KIAA0825: variants seen among roughly 807,000 people sequenced by gnomAD.
The protein encoded by KIAA0825 is uncharacterized protein KIAA0825.
KIAA0825 carries 119 observed loss-of-function variants against 147.6 expected under a neutral mutation model. The ratio of observed to expected loss-of-function variants is 0.81; its 90% confidence interval spans 0.69 to 0.94. The LOEUF (loss-of-function observed/expected upper bound fraction) is 0.94, where lower values mean the gene tolerates loss of function less well. Ranked by LOEUF, KIAA0825 falls within the 40% of genes least tolerant of loss-of-function variation. The probability of loss-of-function intolerance (pLI) is 0.00; values close to 1 mark genes in which losing one functional copy is unlikely to be tolerated. For synonymous variants in KIAA0825, 470 were observed against 518.1 expected (o/e 0.91, Z 1.26); for missense variants, 1,381 against 1,472.7 (o/e 0.94, Z 1.02).
chr5:94,459,157 TC>T (rs1759505944), intron 12 of KIAA0825, among the ~76,000 whole-genome samples: 1 of 152,174 alleles, frequency 6.6e-6, no homozygotes, highest in South Asian at 2.1e-4. Context: ...AGCACTTTAT[TC>T]CCCTTTATTA....
chr5:94,357,014 C>T (rs1378770970), intron 20 of KIAA0825, among the ~76,000 whole-genome samples: 2 of 151,998 alleles, frequency 1.3e-5, no homozygotes, highest in Non-Finnish European at 2.9e-5. Context: ...TGAGCCACTG[C>T]GCCCAGCTGT....
intron 20 of KIAA0825, among the ~76,000 whole-genome samples, chr5:94,357,885 C>T (rs1013525544): frequency 1.3e-5 from 2 of 150,674 alleles, no homozygotes; most frequent in Non-Finnish European, 3.0e-5. Context: ...GTAGTTTTGT[C>T]ATAACCTGCC....
At chr5:94,538,536 C>T (rs1036327673) in intron 2 of KIAA0825, among the ~76,000 whole-genome samples, 1 of 152,176 alleles carries the variant, frequency 6.6e-6, no homozygotes, top group Non-Finnish European at 1.5e-5. Context: ...AAGCTGTATG[C>T]CATGAACGGA....
intron 5 of KIAA0825, among the ~76,000 whole-genome samples, chr5:94,485,302 C>T (rs931765919): frequency 6.6e-6 from 1 of 151,184 alleles, no homozygotes; most frequent in African/African-American, 2.4e-5. Flanking sequence ...GGACAGTCTA[C>T]AAAATAACTA....
chr5:94,168,662 G>C (rs1473865723), intron 20 of KIAA0825, among the ~76,000 whole-genome samples: 1 of 152,160 alleles, frequency 6.6e-6, no homozygotes, highest in African/African-American at 2.4e-5. Flanking sequence ...TAAGAGTTTA[G>C]ATAGAAGGCC....
chr5:94,416,580 C>A (rs1584430080), intron 15 of KIAA0825: 1 of 152,130 alleles, frequency 6.6e-6, no homozygotes, highest in African/African-American at 2.4e-5. Context: ...AAGGATAAGA[C>A]AATGTGAGAA....
intron 1 of KIAA0825, chr5:94,592,950 C>A: frequency 1.8e-6 from 1 of 565,006 alleles, no homozygotes; most frequent in Non-Finnish European, 3.3e-6. Flanking sequence ...GAAACAAAAT[C>A]ATACTTTCAG....
At chr5:94,585,984 A>C (rs1783197818) in intron 1 of KIAA0825, among the ~76,000 whole-genome samples, 2 of 152,206 alleles carry the variant, frequency 1.3e-5, no homozygotes, top group Non-Finnish European at 2.9e-5. Flanking sequence ...ATGCTCTTTG[A>C]AACCAATGAG....
At chr5:94,575,465 C>T (rs1780837334) in intron 2 of KIAA0825, among the ~76,000 whole-genome samples, 1 of 152,172 alleles carries the variant, frequency 6.6e-6, no homozygotes, top group African/African-American at 2.4e-5. Context: ...AACCAGGCCG[C>T]TGTTACATGT....
chr5:94,200,946 C>CATATATATATATATATATATAT (rs34842887), intron 20 of KIAA0825, among the ~76,000 whole-genome samples: 4 of 103,886 alleles, frequency 3.9e-5, no homozygotes, highest in Non-Finnish European at 5.7e-5. Flanking sequence ...AGAATTTAAA[C>CATATATATATATATATATATAT]ATATATATAT....
At chr5:94,487,339 C>T (rs780094229) in intron 5 of KIAA0825, among the ~76,000 whole-genome samples, 17 of 152,184 alleles carry the variant, frequency 1.1e-4, no homozygotes, top group Non-Finnish European at 2.4e-4. Context: ...TTTCCTATTA[C>T]TATCAGCTCA....
intron 7 of KIAA0825, among the ~76,000 whole-genome samples, chr5:94,476,871 C>CA (rs1433568714): frequency 6.6e-6 from 1 of 152,002 alleles, no homozygotes; most frequent in Admixed American, 6.5e-5. Flanking sequence ...AGGATAATAA[C>CA]AAAGATCTCT....
chr5:94,303,500 A>G (rs1161212656), intron 20 of KIAA0825, among the ~76,000 whole-genome samples: 1 of 152,090 alleles, frequency 6.6e-6, no homozygotes, highest in East Asian at 1.9e-4. Flanking sequence ...GGAGTTTCCC[A>G]CTAAGTGGCC....
intron 20 of KIAA0825, among the ~76,000 whole-genome samples, chr5:94,273,522 A>G (rs983137170): frequency 6.6e-6 from 1 of 152,118 alleles, no homozygotes; most frequent in Non-Finnish European, 1.5e-5. Flanking sequence ...CATAGTACGC[A>G]ATAAGAAATT....
intron 20 of KIAA0825, among the ~76,000 whole-genome samples, chr5:94,224,409 T>C (rs1773976498): frequency 6.6e-6 from 1 of 152,026 alleles, no homozygotes; most frequent in Non-Finnish European, 1.5e-5. Flanking sequence ...CAACTGCATT[T>C]CTTGCCATGA....
In KIAA0825 at chr5:94,504,947, T is replaced by C. The variant is rs571196032; in HGVS notation, c.970+15301A>G. ...ATTTTTAGTAAAGATGGGGTTTCCC[T>C]ATGTTGGCCAGGATGGTCTCGAACT... On this transcript the variant is annotated intron_variant, in intron 5 of 20. Coordinates refer to ENST00000682413, the MANE Select transcript of KIAA0825 (RefSeq NM_001145678.3). Among the ~76,000 whole-genome samples the C allele has an allele frequency of 2.6e-5, 4 of 151,930 alleles. No homozygotes were observed. The East Asian group carries it at 7.9e-4, about 30-fold the overall frequency.
chr5:94,533,573 C>T (rs1179680680), intron 3 of KIAA0825, among the ~76,000 whole-genome samples: 1 of 152,210 alleles, frequency 6.6e-6, no homozygotes, highest in East Asian at 1.9e-4. Flanking sequence ...CCACATCCAG[C>T]CTATGCTGTG....
intron 3 of KIAA0825, among the ~76,000 whole-genome samples, chr5:94,535,463 T>C (rs1302162389): frequency 3.2e-5 from 4 of 125,000 alleles, no homozygotes; most frequent in African/African-American, 1.3e-4. Context: ...TGAGCCGAAA[T>C]CGTGCCATTG....
At chr5:94,524,168 G>T in intron 3 of KIAA0825, 70 bp from the exon 4 acceptor site, 1 of 972,738 alleles carries the variant, frequency 1.0e-6, no homozygotes, top group Non-Finnish European at 1.5e-6. Context: ...AATATCACAG[G>T]CCCTGAAATC....
Sources: allele counts gnomAD v4.1 joint callset (sites outside exome capture counted in the v4.1 genomes callset), GRCh38; gene constraint gnomAD v4.1.1; transcripts MANE v1.5; gene names NCBI Gene and HGNC (gene_info 2026-07-23, HGNC 2026-07-21).